The following KIAA1328 variants were observed in gnomAD, a reference collection of about 807,000 sequenced individuals.
The protein encoded by KIAA1328 is KIAA1328, also known as protein hinderin.
KIAA1328 carries 52 observed loss-of-function variants against 68.1 expected under a neutral mutation model. That is an observed-to-expected ratio of 0.76 (90% CI 0.61 to 0.96). KIAA1328 has a LOEUF of 0.96. Ranked by LOEUF, KIAA1328 falls within the 40% of genes least tolerant of loss-of-function variation. The probability of loss-of-function intolerance (pLI) is 0.00; values close to 1 mark genes in which losing one functional copy is unlikely to be tolerated. For synonymous variants in KIAA1328, 232 were observed against 239.4 expected (o/e 0.97, Z 0.28); for missense variants, 641 against 677.6 (o/e 0.95, Z 0.60).
chr18:37,137,806 A>T (rs1375948509), intron 7 of KIAA1328, among the ~76,000 whole-genome samples: 2 of 152,068 alleles, frequency 1.3e-5, no homozygotes, highest in African/African-American at 4.8e-5. Flanking sequence ...TGGCTAGATC[A>T]TATCTCTATG....
intron 9 of KIAA1328, among the ~76,000 whole-genome samples, chr18:37,184,417 G>A (rs913762917): frequency 4.6e-5 from 7 of 152,194 alleles, no homozygotes; most frequent in African/African-American, 1.7e-4. Context: ...GTATCAATGA[G>A]GATATCAGAT....
intron 5 of KIAA1328, among the ~76,000 whole-genome samples, chr18:36,909,065 C>T (rs1480432642): frequency 6.6e-6 from 1 of 152,064 alleles, no homozygotes; most frequent in Non-Finnish European, 1.5e-5. Flanking sequence ...CATATATTTA[C>T]CCTTCTGTTG....
At chr18:37,019,699 C>T (rs1268587923) in intron 6 of KIAA1328, among the ~76,000 whole-genome samples, 2 of 152,204 alleles carry the variant, frequency 1.3e-5, no homozygotes, top group East Asian at 1.9e-4. Context: ...ACAGAGAAGG[C>T]CCCATGCACC....
chr18:36,857,451 C>T (rs1040347571), intron 4 of KIAA1328, among the ~76,000 whole-genome samples: 1 of 152,098 alleles, frequency 6.6e-6, no homozygotes, highest in Non-Finnish European at 1.5e-5. Context: ...AATAAATAAC[C>T]ACAAATATTT....
chr18:36,889,000 A>T (rs2048591903), intron 5 of KIAA1328, among the ~76,000 whole-genome samples: 1 of 152,242 alleles, frequency 6.6e-6, no homozygotes, highest in South Asian at 2.1e-4. Context: ...GAGTAACTTG[A>T]TTTATTGATC....
At chr18:37,122,296 C>G (rs956526355) in intron 7 of KIAA1328, among the ~76,000 whole-genome samples, 27 of 151,898 alleles carry the variant, frequency 1.8e-4, no homozygotes, top group African/African-American at 5.8e-4. Flanking sequence ...AACTTAGTAA[C>G]AGAGAGAGTG....
intron 5 of KIAA1328, among the ~76,000 whole-genome samples, chr18:36,892,667 A>G (rs1174665681): frequency 6.6e-6 from 1 of 152,116 alleles, no homozygotes; most frequent in African/African-American, 2.4e-5. Flanking sequence ...TATTTACTCT[A>G]TGTTGCTGTA....
At chr18:36,922,671 T>C (rs897544722) in intron 5 of KIAA1328, among the ~76,000 whole-genome samples, 2 of 152,166 alleles carry the variant, frequency 1.3e-5, no homozygotes, top group African/African-American at 4.8e-5. Context: ...GGACAGATAA[T>C]TTTTTCTTTC....
chr18:37,074,088 A>G (rs2056625659), intron 7 of KIAA1328, among the ~76,000 whole-genome samples: 1 of 152,184 alleles, frequency 6.6e-6, no homozygotes, highest in African/African-American at 2.4e-5. Context: ...GAATGGGGAA[A>G]ATGAGACCAC....
chr18:37,136,202 T>C (rs1039590478), intron 7 of KIAA1328, among the ~76,000 whole-genome samples: 7 of 152,322 alleles, frequency 4.6e-5, no homozygotes, highest in Admixed American at 3.9e-4. Context: ...TGTGTGTTGA[T>C]TCACCAGTGG....
intron 5 of KIAA1328, among the ~76,000 whole-genome samples, chr18:36,888,947 A>G (rs574163216): frequency 2.8e-4 from 43 of 152,310 alleles, no homozygotes; most frequent in African/African-American, 9.9e-4. Flanking sequence ...CATTTTAAAG[A>G]TGTATTATAC....
intron 6 of KIAA1328, among the ~76,000 whole-genome samples, chr18:37,020,253 G>A (rs2054297534): frequency 6.6e-6 from 1 of 152,080 alleles, no homozygotes; most frequent in Non-Finnish European, 1.5e-5. Context: ...CTCCCAAGTA[G>A]CTGAGATTAC....
intron 5 of KIAA1328, among the ~76,000 whole-genome samples, chr18:36,896,040 G>A (rs777811868): frequency 6.6e-6 from 1 of 152,120 alleles, no homozygotes; most frequent in Non-Finnish European, 1.5e-5. Flanking sequence ...TTTTGTTATG[G>A]CAGTCTGAGC....
intron 7 of KIAA1328, among the ~76,000 whole-genome samples, chr18:37,146,294 ATGTGTT>A (rs2058898241): frequency 6.6e-6 from 1 of 151,796 alleles, no homozygotes; most frequent in Non-Finnish European, 1.5e-5. Context: ...CTTTGTGTCC[ATGTGTT>A]CTCATCATTT....
chr18:37,109,267 T>C (rs1307784714), intron 7 of KIAA1328, among the ~76,000 whole-genome samples: 2 of 152,224 alleles, frequency 1.3e-5, no homozygotes, highest in African/African-American at 4.8e-5. Flanking sequence ...AAATGATAGC[T>C]AATAGACTGA....
chr18:36,935,685 A>T (rs1033041767), intron 5 of KIAA1328, among the ~76,000 whole-genome samples: 6 of 152,134 alleles, frequency 3.9e-5, no homozygotes, highest in African/African-American at 1.4e-4. Context: ...AAGGAAAAGG[A>T]TGTATCCCTC....
intron 6 of KIAA1328, among the ~76,000 whole-genome samples, chr18:36,999,621 A>G (rs1186945302): frequency 6.6e-6 from 1 of 152,208 alleles, no homozygotes; most frequent in Non-Finnish European, 1.5e-5. Flanking sequence ...ATATATTCCA[A>G]GGGCTCAAAC....
intron 6 of KIAA1328, among the ~76,000 whole-genome samples, chr18:37,010,982 C>T (rs968382973): frequency 3.3e-5 from 5 of 152,056 alleles, no homozygotes; most frequent in Non-Finnish European, 5.9e-5. Flanking sequence ...CATGCAGTAC[C>T]ATATTCACTT....
intron 6 of KIAA1328, among the ~76,000 whole-genome samples, chr18:37,035,539 T>C (rs2054992394): frequency 6.6e-6 from 1 of 152,192 alleles, no homozygotes; most frequent in Non-Finnish European, 1.5e-5. Context: ...TTGGGGCAGA[T>C]AGGATTAGAA....
Sources: gnomAD v4.1 joint callset for allele counts (sites outside exome capture counted in the v4.1 genomes callset) on GRCh38, gnomAD v4.1.1 for gene constraint, MANE v1.5 for transcripts, NCBI Gene and HGNC (gene_info 2026-07-23, HGNC 2026-07-21) for gene names.